SOX5: variants seen among roughly 807,000 people sequenced by gnomAD.
The protein encoded by SOX5 is SRY-box transcription factor 5, also known as transcription factor SOX-5.
In SOX5, 9 loss-of-function variants were observed where a neutral mutation model predicts 92.0. The observed-to-expected ratio is 0.10, with a 90% CI of 0.06 to 0.17. The LOEUF (loss-of-function observed/expected upper bound fraction) is 0.17, where lower values mean the gene tolerates loss of function less well. SOX5 is among the 10% of genes least tolerant of loss of function. The pLI is 1.00. For missense variants in SOX5, 642 were observed against 944.5 expected, an observed-to-expected ratio of 0.68 and a Z score of 4.20; for synonymous variants, 344 against 336.3, an observed-to-expected ratio of 1.02 and a Z score of -0.25.
At chr12:23,885,208 G>A (rs2097050602) in intron 2 of SOX5, among the ~76,000 whole-genome samples, 1 of 152,096 alleles carries the variant, frequency 6.6e-6, no homozygotes. Context: ...TGGTTTCAAA[G>A]CTTTGTACAG....
chr12:23,951,587 T>C (rs1200671744), upstream of SOX5, among the ~76,000 whole-genome samples: 1 of 152,146 alleles, frequency 6.6e-6, no homozygotes, highest in African/African-American at 2.4e-5. Context: ...TTATAAATTT[T>C]TAGACAAGTT....
At chr12:23,842,766 G>C (rs2096533585) in intron 3 of SOX5, among the ~76,000 whole-genome samples, 1 of 152,096 alleles carries the variant, frequency 6.6e-6, no homozygotes, top group African/African-American at 2.4e-5. Flanking sequence ...AAAAATGATT[G>C]AATGAAACAA....
chr12:24,559,066 CA>C (rs1294292183), intron 1 of SOX5, among the ~76,000 whole-genome samples: 1 of 152,150 alleles, frequency 6.6e-6, no homozygotes, highest in African/African-American at 2.4e-5. Context: ...TGTTTTAAAA[CA>C]ATGTTTGGAA....
chr12:24,505,827 GTA>G (rs1467768802), intron 1 of SOX5, among the ~76,000 whole-genome samples: 29 of 133,434 alleles, frequency 2.2e-4, no homozygotes, highest in East Asian at 6.4e-4. Context: ...CCAAGGCTTG[GTA>G]TGTGTGTGTG....
At chr12:23,574,781 T>C (rs1056912760) in intron 10 of SOX5, among the ~76,000 whole-genome samples, 1 of 152,228 alleles carries the variant, frequency 6.6e-6, no homozygotes, top group Non-Finnish European at 1.5e-5. Flanking sequence ...CTGCCTAGAA[T>C]GCCTAGGAAT....
At chr12:24,338,485 G>A (rs1952168975) in intron 2 of SOX5, among the ~76,000 whole-genome samples, 1 of 152,146 alleles carries the variant, frequency 6.6e-6, no homozygotes, top group Admixed American at 6.6e-5. Context: ...TTTTGGACCT[G>A]TAATTAGGAA....
chr12:24,458,950 G>A (rs1414264938), intron 1 of SOX5, among the ~76,000 whole-genome samples: 1 of 152,110 alleles, frequency 6.6e-6, no homozygotes, highest in Non-Finnish European at 1.5e-5. Flanking sequence ...CTCTCCCACT[G>A]CAATCACTTT....
chr12:23,760,619 C>T (rs1164960227), intron 3 of SOX5, among the ~76,000 whole-genome samples: 1 of 152,036 alleles, frequency 6.6e-6, no homozygotes, highest in East Asian at 1.9e-4. Context: ...AATGGCCCCC[C>T]CCAACTGTGC....
chr12:24,196,903 G>GAAAAACAAAAAAC (rs1565634535), intron 4 of SOX5, among the ~76,000 whole-genome samples: 2 of 151,750 alleles, frequency 1.3e-5, no homozygotes, highest in African/African-American at 4.8e-5. Context: ...ACCCTGTCTT[G>GAAAAACAAAAAAC]AAAAACAAAA....
chr12:23,895,667 G>A, intron 2 of SOX5, 126 bp downstream of exon 2: 1 of 677,918 alleles, frequency 1.5e-6, no homozygotes, highest in South Asian at 1.9e-5. Context: ...AAGACGCCAG[G>A]GGTGAATCTT....
At chr12:24,336,351 C>G (rs1951902768) in intron 2 of SOX5, among the ~76,000 whole-genome samples, 1 of 152,062 alleles carries the variant, frequency 6.6e-6, no homozygotes, top group Non-Finnish European at 1.5e-5. Flanking sequence ...CCTTGGCCTC[C>G]CAAAGTGCTG....
chr12:23,611,355 TGTGTGTGTGTGTGC>T (rs1029298130), intron 8 of SOX5, among the ~76,000 whole-genome samples: 12 of 136,604 alleles, frequency 8.8e-5, no homozygotes, highest in African/African-American at 2.1e-4. Flanking sequence ...TATTCCATCG[TGTGTGTGTGTGTGC>T]GTGTGTGTGT....
At chr12:24,270,850 T>C (rs1271105155) in intron 3 of SOX5, among the ~76,000 whole-genome samples, 2 of 152,262 alleles carry the variant, frequency 1.3e-5, no homozygotes, top group Non-Finnish European at 2.9e-5. Flanking sequence ...ATTACAGCAC[T>C]AAGATTCTTC....
chr12:23,547,297 T>C (rs1310019937), intron 11 of SOX5, among the ~76,000 whole-genome samples: 2 of 152,122 alleles, frequency 1.3e-5, no homozygotes, highest in Non-Finnish European at 2.9e-5. Flanking sequence ...CTGAGGATGA[T>C]GTAGTACCAA....
At chr12:23,764,660 T>C (rs999320346) in intron 3 of SOX5, among the ~76,000 whole-genome samples, 13 of 152,102 alleles carry the variant, frequency 8.5e-5, no homozygotes, top group African/African-American at 2.9e-4. Flanking sequence ...GTCTAGGCCA[T>C]GTTGAAAACA....
chr12:24,119,709 C>T (rs1004031250), intron 4 of SOX5, among the ~76,000 whole-genome samples: 3 of 151,932 alleles, frequency 2.0e-5, no homozygotes, highest in African/African-American at 7.3e-5. Context: ...ATAATTTACA[C>T]AGAAAAAAGG....
intron 4 of SOX5, among the ~76,000 whole-genome samples, chr12:24,187,048 C>T (rs1956083216): frequency 6.6e-6 from 1 of 152,080 alleles, no homozygotes. Context: ...GGGCAAGTTT[C>T]CAAACTGATT....
intron 6 of SOX5, among the ~76,000 whole-genome samples, chr12:23,684,610 T>C (rs1448875925): frequency 6.6e-6 from 1 of 152,138 alleles, no homozygotes; most frequent in Non-Finnish European, 1.5e-5. Flanking sequence ...TGTCTGGAAA[T>C]ATAGGCCTAT....
At chr12:23,934,182 G>A (rs1942030377) in intron 1 of SOX5, among the ~76,000 whole-genome samples, 1 of 151,128 alleles carries the variant, frequency 6.6e-6, no homozygotes, top group Non-Finnish European at 1.5e-5. Flanking sequence ...TCAGATATCA[G>A]GGCTCCCAAA....
Sources: allele counts gnomAD v4.1 joint callset (sites outside exome capture counted in the v4.1 genomes callset), GRCh38; gene constraint gnomAD v4.1.1; transcripts MANE v1.5; gene names NCBI Gene and HGNC (gene_info 2026-07-23, HGNC 2026-07-21).